The following PLCE1 variants were observed in gnomAD, a reference collection of about 807,000 sequenced individuals.
The protein encoded by PLCE1 is 1-phosphatidylinositol 4,5-bisphosphate phosphodiesterase epsilon-1.
A neutral mutation model predicts 242.8 loss-of-function variants in PLCE1; 119 were observed. The observed-to-expected ratio is 0.49, with a 90% CI of 0.42 to 0.57. The LOEUF (loss-of-function observed/expected upper bound fraction) is 0.57. Among genes scored for constraint, PLCE1 ranks in the 20% least tolerant of loss-of-function variants. The pLI is 0.00. For missense variants in PLCE1, 2,441 were observed against 2,788.8 expected (o/e 0.88, Z 2.81); for synonymous variants, 945 against 1,017.4 (o/e 0.93, Z 1.35).
At position 94,161,666 on chromosome 10, in the gene PLCE1, A is replaced by G. The variant is rs557453354; in HGVS notation, c.1493-9514A>G. On this transcript the variant is annotated intron_variant, in intron 3 of 32. Transcript: ENST00000371380. ...CTTTATTTCCTTCTCCTGTCTGATTACCCTGGCCAGAACTTCCAACACTAT... is the reference window on the plus strand; with the variant it reads ...CTTTATTTCCTTCTCCTGTCTGATTGCCCTGGCCAGAACTTCCAACACTAT... 3.9e-5 allele frequency among the ~76,000 whole-genome samples: 6 copies of G among 152,100 alleles called. No individual in the cohort carries two copies. The East Asian group carries it at 1.2e-3, about 29-fold the overall frequency.
At chr10:94,283,951 T>C (rs2052343337) in intron 21 of PLCE1, 40 bp downstream of exon 21, 31 of 1,600,412 alleles carry the variant, frequency 1.9e-5, no homozygotes, top group Non-Finnish European at 2.6e-5. Flanking sequence ...TTTGACCATG[T>C]GGTACTCTTG....
intron 4 of PLCE1, among the ~76,000 whole-genome samples, chr10:94,188,934 A>G (rs186877797): frequency 4.9e-4 from 74 of 150,714 alleles, no homozygotes; most frequent in African/African-American, 1.7e-3. Flanking sequence ...ACATTCCTAG[A>G]GTAGTTTTTC....
intron 3 of PLCE1, among the ~76,000 whole-genome samples, chr10:94,154,732 A>C (rs1037175332): frequency 1.3e-5 from 2 of 151,994 alleles, no homozygotes; most frequent in Non-Finnish European, 2.9e-5. Flanking sequence ...CGTTAGGAAT[A>C]TTAACATCAA....
intron 19 of PLCE1, among the ~76,000 whole-genome samples, chr10:94,277,507 C>T (rs1310595379): frequency 6.6e-6 from 1 of 152,142 alleles, no homozygotes; most frequent in Admixed American, 6.5e-5. Flanking sequence ...ATCTTGGGGG[C>T]CTTGGCACTC....
intron 2 of PLCE1, among the ~76,000 whole-genome samples, chr10:94,048,710 AAT>A (rs1299768745): frequency 6.9e-6 from 1 of 145,496 alleles, no homozygotes; most frequent in Non-Finnish European, 1.5e-5. Context: ...ATATATATTA[AAT>A]ATATATGTAT....
intron 2 of PLCE1, among the ~76,000 whole-genome samples, chr10:94,046,088 A>T (rs920415272): frequency 6.6e-6 from 1 of 152,184 alleles, no homozygotes; most frequent in African/African-American, 2.4e-5. Flanking sequence ...AAACTGGCAC[A>T]TCTTGTTGCA....
chr10:94,123,911 CATT>C (rs1323970787), intron 2 of PLCE1, among the ~76,000 whole-genome samples: 1 of 152,024 alleles, frequency 6.6e-6, no homozygotes, highest in Non-Finnish European at 1.5e-5. Flanking sequence ...TTAAGAACCA[CATT>C]ATGGGGAGGA....
At position 94,171,330 on chromosome 10, in the gene PLCE1, G is replaced by T. The variant is rs17417407; in HGVS notation, c.1643G>T (p.Arg548Leu). 282,743 of 1,613,912 alleles carry T rather than the reference G, an allele frequency of 0.18. 26,323 individuals are homozygous for T. Among genetic ancestry groups the T allele is most frequent in the South Asian group, 0.31 (28,275 of 91,058 alleles). The change falls in exon 4 of 33, where the codon CGC (arginine) becomes CTC (leucine). Residue 548 changes from arginine to leucine, a missense_variant. By Grantham distance (102) the Arg-to-Leu change is moderately radical. Transcript: ENST00000371380. ...ILMEQEQTIYRRVLPVDYLCF... is the reference protein window; with the variant it reads ...ILMEQEQTIYLRVLPVDYLCF... ...ATGGAGCAAGAGCAGACTATTTACC[G>T]CAGGGTCTTGCCAGTCGACTACCTT...
chr10:94,056,972 A>G (rs559122249), intron 2 of PLCE1, among the ~76,000 whole-genome samples: 2 of 152,308 alleles, frequency 1.3e-5, no homozygotes, highest in South Asian at 4.1e-4. Flanking sequence ...GTTACAGCAT[A>G]TGTTAGTACT....
chr10:94,258,080 T>G (rs2051164537), intron 11 of PLCE1, among the ~76,000 whole-genome samples: 1 of 152,210 alleles, frequency 6.6e-6, no homozygotes, highest in African/African-American at 2.4e-5. Context: ...GATGCAGCCT[T>G]GGAAGGTGCA....
chr10:94,116,437 G>A (rs2046131842), intron 2 of PLCE1, among the ~76,000 whole-genome samples: 1 of 152,198 alleles, frequency 6.6e-6, no homozygotes, highest in African/African-American at 2.4e-5. Flanking sequence ...GCTCATGCCT[G>A]TAATCCCAAC....
chr10:94,298,691 C>T lies in PLCE1; in HGVS notation c.5458+22C>T, dbSNP rs1299011772. On this transcript the variant is annotated intron_variant, in intron 24 of 32. Coordinates refer to ENST00000371380, the MANE Select transcript of PLCE1 (RefSeq NM_016341.4). This position sits in a 1 kb window ranked among gnomAD's most constrained non-coding sequence, Gnocchi z 5.2. ...GATGGTAAGGGGCCTGCATGCTCACCTCGCTCCTTTGCATCTTACATTTCA... is the reference window on the plus strand; with the variant it reads ...GATGGTAAGGGGCCTGCATGCTCACTTCGCTCCTTTGCATCTTACATTTCA... 3.1e-6 allele frequency: 5 copies of T among 1,613,360 alleles called. No homozygotes were observed.
chr10:94,047,532 T>C (rs2043631639), intron 2 of PLCE1, among the ~76,000 whole-genome samples: 1 of 152,224 alleles, frequency 6.6e-6, no homozygotes, highest in Non-Finnish European at 1.5e-5. Context: ...TTGCTCTCAA[T>C]AGAATTGAAA....
chr10:94,138,216 C>G (rs554172967), intron 3 of PLCE1: 2 of 337,524 alleles, frequency 5.9e-6, no homozygotes, highest in Admixed American at 7.6e-5. Flanking sequence ...CCTGGACCTG[C>G]TAGAGAATCA....
chr10:94,088,971 C>T, intron 2 of PLCE1: 1 of 1,034,724 alleles, frequency 9.7e-7, no homozygotes, highest in African/African-American at 1.6e-5. Flanking sequence ...GATCGCAGCC[C>T]TCCCTCGATT....
At chr10:94,221,891 T>C (rs1168049246) in intron 4 of PLCE1, among the ~76,000 whole-genome samples, 1 of 152,212 alleles carries the variant, frequency 6.6e-6, no homozygotes, top group Non-Finnish European at 1.5e-5. Context: ...TGCTTGGCAT[T>C]TTCAAGAAAC....
intron 2 of PLCE1, among the ~76,000 whole-genome samples, chr10:94,080,491 T>C (rs552607102): frequency 6.6e-6 from 1 of 152,346 alleles, no homozygotes; most frequent in Non-Finnish European, 1.5e-5. Context: ...AAATGTTTCA[T>C]TTCAGTGCAA....
intron 4 of PLCE1, among the ~76,000 whole-genome samples, chr10:94,223,233 C>CAAAAAAAAAAAAAAAAAAAA (rs60764243): frequency 2.2e-5 from 2 of 90,876 alleles, no homozygotes; most frequent in African/African-American, 9.5e-5. Flanking sequence ...TCCATCTCTA[C>CAAAAAAAAAAAAAAAAAAAA]AAAAAAAAAA....
At chr10:94,216,417 C>T (rs1049621827) in intron 4 of PLCE1, among the ~76,000 whole-genome samples, 3 of 152,136 alleles carry the variant, frequency 2.0e-5, no homozygotes, top group African/African-American at 7.2e-5. Flanking sequence ...CACTGGAGTG[C>T]GAGCTCTAGA....
Sources: allele counts gnomAD v4.1 joint callset (sites outside exome capture counted in the v4.1 genomes callset), GRCh38; gene constraint gnomAD v4.1.1; non-coding constraint Gnocchi (gnomAD v3.1); transcripts MANE v1.5; gene names NCBI Gene and HGNC (gene_info 2026-07-23, HGNC 2026-07-21).